The following ZFP91 variants were observed in gnomAD, a reference collection of about 807,000 sequenced individuals.
ZFP91 encodes ZFP91 zinc finger protein, atypical E3 ubiquitin ligase, also known as E3 ubiquitin-protein ligase ZFP91.
Under a neutral mutation model 63.5 loss-of-function variants are expected in ZFP91, and 7 were observed. That is an observed-to-expected ratio of 0.11 (90% CI 0.06 to 0.21). The LOEUF (loss-of-function observed/expected upper bound fraction) is 0.21. Ranked by LOEUF, ZFP91 falls within the 10% of genes least tolerant of loss-of-function variation. ZFP91 has a pLI of 1.00. For synonymous variants in ZFP91, 330 were observed against 272.1 expected, an observed-to-expected ratio of 1.21 and a Z score of -2.10; for missense variants, 628 against 736.6, an observed-to-expected ratio of 0.85 and a Z score of 1.71.
intron 1 of ZFP91, among the ~76,000 whole-genome samples, chr11:58,583,336 C>T (rs1005491084): frequency 3.3e-5 from 5 of 152,018 alleles, no homozygotes; most frequent in Admixed American, 6.5e-5. Flanking sequence ...AGATGTCTTC[C>T]TTCAGGTTCA....
rs536802913 is a variant in ZFP91, at chr11:58,618,352, C to G, written c.*646C>G. 1.9e-4 allele frequency: 39 copies of G among 208,974 alleles called. No individual in the cohort carries two copies. Among genetic ancestry groups the G allele is most frequent in the Non-Finnish European group, 3.7e-4 (38 of 102,626 alleles). 12.9% of individuals were successfully genotyped at this position (208,974 alleles called of 1,614,324 possible). On this transcript the variant is annotated 3_prime_UTR_variant, in exon 11 of 11. Transcript: ENST00000316059. ...TTCTTTGATCCCAGCATCTCAGTCC[C>G]CCTCCCAACCCTCCATATGGCTCTC...
rs911799128 is a variant in ZFP91 at position 58,612,549 on chromosome 11, GTTTA to G, written c.909-209_909-206del. ...ATACTTTACCTTTGGGGGGTCATTA[GTTTA>G]TTTGTGTTACTTTTTAATTCTGTCA... is the stretch of plus-strand genomic sequence containing the variant. On this transcript the variant is annotated intron_variant, in intron 7 of 10. Coordinates refer to ENST00000316059, the MANE Select transcript of ZFP91 (RefSeq NM_053023.5). The G allele has an allele frequency of 5.3e-5, 33 of 619,544 alleles. No homozygotes were observed. In the African/African-American group the frequency reaches 6.1e-4, roughly 11 times the overall value. The allele number at this position is 619,544 out of a possible 1,614,324, so 38.4% of individuals were successfully genotyped here.
At position 58,618,652 on chromosome 11, in the gene ZFP91, T is replaced by G. The variant is rs1306082017; in HGVS notation, c.*946T>G. On this transcript the variant is annotated 3_prime_UTR_variant, in exon 11 of 11. Coordinates refer to ENST00000316059, the MANE Select transcript of ZFP91 (RefSeq NM_053023.5). ...GAGATTAGATTATTTTGACATGGGA[T>G]CCCTTCCATAACAGGTACTTTGAAG... is the stretch of plus-strand genomic sequence containing the variant. 1 of 456,490 alleles carries G rather than the reference T, an allele frequency of 2.2e-6. No homozygotes were observed. The highest frequency in any genetic ancestry group is 2.0e-5 in the African/African-American group (1 of 49,972). The allele number at this position is 456,490 out of a possible 1,614,324, so 28.3% of individuals were successfully genotyped here.
intron 2 of ZFP91, among the ~76,000 whole-genome samples, chr11:58,592,518 C>CA (rs1156616471): frequency 8.5e-5 from 13 of 152,150 alleles, no homozygotes. Flanking sequence ...GAAATTCTGT[C>CA]ATTCGTGACA....
At chr11:58,579,658 C>A (rs781410325) in intron 1 of ZFP91, 36 bp downstream of exon 1, 2 of 1,501,236 alleles carry the variant, frequency 1.3e-6, no homozygotes, top group East Asian at 2.7e-5. Flanking sequence ...GGAAAGACCC[C>A]CCTCTGTCCG....
At chr11:58,581,762 C>G (rs1227267639) in intron 1 of ZFP91, among the ~76,000 whole-genome samples, 10 of 152,242 alleles carry the variant, frequency 6.6e-5, no homozygotes, top group Admixed American at 5.9e-4. Context: ...CAACAAAGTA[C>G]TAGTGACGCT....
intron 2 of ZFP91, among the ~76,000 whole-genome samples, chr11:58,588,957 C>T (rs2515343): frequency 0.49 from 73,723 of 152,004 alleles, 18,717 homozygotes; most frequent in African/African-American, 0.65. Flanking sequence ...CTAGTTTTCC[C>T]AGTCAAAATA....
chr11:58,602,910 C>T (rs1339429801), intron 2 of ZFP91, among the ~76,000 whole-genome samples: 4 of 151,946 alleles, frequency 2.6e-5, no homozygotes, highest in Non-Finnish European at 4.4e-5. Flanking sequence ...ACCTAGGAGG[C>T]GATGATTGCG....
intron 2 of ZFP91, among the ~76,000 whole-genome samples, chr11:58,608,771 C>G (rs1381408516): frequency 6.6e-6 from 1 of 151,866 alleles, no homozygotes; most frequent in Admixed American, 6.6e-5. Context: ...CGCCTGGCTA[C>G]CTTTTGTATT....
At chr11:58,612,914 T>G in intron 8 of ZFP91, 74 bp downstream of exon 8, 1 of 1,323,194 alleles carries the variant, frequency 7.6e-7, no homozygotes, top group South Asian at 1.3e-5. Context: ...AGACTTTAAT[T>G]TGTTGGCTTG....
In ZFP91 at chr11:58,618,583, T is replaced by G. The variant is rs1487136001; in HGVS notation, c.*877T>G. The G allele has an allele frequency of 4.8e-6, 2 of 413,968 alleles. 1 individual carries two copies. Among genetic ancestry groups the G allele is most frequent in the Non-Finnish European group, 9.4e-6 (2 of 212,414 alleles). The allele number at this position is 413,968 out of a possible 1,614,324, so 25.6% of individuals were successfully genotyped here. On this transcript the variant is annotated 3_prime_UTR_variant, in exon 11 of 11. Transcript: ENST00000316059. ...TTATTAACAGGAAGTCTGATTTTTT[T>G]TTTTTGGAGTCTTTGTTGCTATATT...
At chr11:58,605,186 C>T (rs1238412859) in intron 2 of ZFP91, among the ~76,000 whole-genome samples, 1 of 152,122 alleles carries the variant, frequency 6.6e-6, no homozygotes, top group Non-Finnish European at 1.5e-5. Flanking sequence ...GTAAACATAT[C>T]TCTGCTCTGT....
Position 58,618,625 on chromosome 11 carries a change from G to C in ZFP91, c.*919G>C, listed in dbSNP as rs1855794087. The C allele has an allele frequency of 6.6e-6, 3 of 454,330 alleles. No homozygotes were observed. The highest frequency in any genetic ancestry group is 2.0e-5 in the African/African-American group (1 of 49,842). 28.1% of individuals were successfully genotyped at this position (454,330 alleles called of 1,614,324 possible). On this transcript the variant is annotated 3_prime_UTR_variant, in exon 11 of 11. Transcript: ENST00000316059. The stretch of plus-strand genomic sequence containing the variant: ...TGCTATATTTTGTGGGGCTGGGAGA[G>C]AGAGATTAGATTATTTTGACATGGG...
chr11:58,616,493 T>C (rs1408842147), intron 9 of ZFP91, among the ~76,000 whole-genome samples: 1 of 152,132 alleles, frequency 6.6e-6, no homozygotes, highest in Non-Finnish European at 1.5e-5. Context: ...TTTTTCTGTT[T>C]GTTTTTGTTT....
chr11:58,581,965 C>A (rs1855124715), intron 1 of ZFP91, among the ~76,000 whole-genome samples: 1 of 152,206 alleles, frequency 6.6e-6, no homozygotes, highest in Non-Finnish European at 1.5e-5. Flanking sequence ...AAAATTATCT[C>A]TTGACTGTGT....
In ZFP91 at chr11:58,614,246, G is replaced by A; in HGVS notation, c.1005G>A (p.Gln335=). 2 of 1,604,324 alleles carry A rather than the reference G, an allele frequency of 1.2e-6. No homozygotes were observed. The highest frequency in any genetic ancestry group is 1.1e-5 in the South Asian group (1 of 89,184). ...TGTTTTAGCACCACATTAAATACCA[G>A]CATTTGCTGAAGAAGAAATATGTAT... is the stretch of plus-strand genomic sequence containing the variant. The part of the protein sequence containing the change: ...PRYLQHHIKY[Q]HLLKKKYVCP... Residue 335 remains glutamine, a synonymous_variant, in exon 9 of 11, where the codon CAG becomes CAA. Coordinates refer to ENST00000316059, the MANE Select transcript of ZFP91 (RefSeq NM_053023.5).
intron 1 of ZFP91, among the ~76,000 whole-genome samples, chr11:58,583,662 A>G (rs900756240): frequency 6.6e-6 from 1 of 152,030 alleles, no homozygotes. Context: ...TTTAGCAATT[A>G]TTTCTGCAGT....
At chr11:58,606,353 C>G (rs1055601564) in intron 2 of ZFP91, among the ~76,000 whole-genome samples, 2 of 152,182 alleles carry the variant, frequency 1.3e-5, no homozygotes, top group Non-Finnish European at 2.9e-5. Context: ...AGGTGTGAGC[C>G]ACTGTACCCG....
At chr11:58,603,921 C>G (rs559490954) in intron 2 of ZFP91, among the ~76,000 whole-genome samples, 1 of 152,228 alleles carries the variant, frequency 6.6e-6, no homozygotes, top group East Asian at 1.9e-4. Flanking sequence ...GTGGACCATA[C>G]CCCCAGTCTC....
Sources: gnomAD v4.1 joint callset for allele counts (sites outside exome capture counted in the v4.1 genomes callset) on GRCh38, gnomAD v4.1.1 for gene constraint, MANE v1.5 for transcripts, NCBI Gene and HGNC (gene_info 2026-07-23, HGNC 2026-07-21) for gene names.